VAT1L: variants seen among roughly 807,000 people sequenced by gnomAD.
The protein encoded by VAT1L is putative NADPH-dependent quinone oxidoreductase VAT1L.
VAT1L carries 34 observed loss-of-function variants against 44.1 expected under a neutral mutation model. The observed-to-expected ratio is 0.77, with a 90% CI of 0.59 to 1.03. VAT1L has a LOEUF of 1.03. Among genes scored for constraint, VAT1L ranks in the 50% least tolerant of loss-of-function variants. The pLI is 0.00. For missense variants in VAT1L, 615 were observed against 538.8 expected (o/e 1.14, Z -1.40); for synonymous variants, 253 against 202.2 (o/e 1.25, Z -2.13).
intron 1 of VAT1L, among the ~76,000 whole-genome samples, chr16:77,794,441 A>G (rs545456804): frequency 1.3e-5 from 2 of 152,316 alleles, no homozygotes; most frequent in African/African-American, 4.8e-5. Context: ...CACAATCACA[A>G]TCACCACTCC....
intron 8 of VAT1L, among the ~76,000 whole-genome samples, chr16:77,974,826 C>T (rs1021464723): frequency 1.2e-4 from 18 of 152,056 alleles, no homozygotes; most frequent in African/African-American, 4.3e-4. Flanking sequence ...GCCTTGGCCT[C>T]CCAAAGAGCT....
Position 77,825,317 on chromosome 16 carries a change from T to G in VAT1L, c.435T>G (p.Phe145Leu). Residue 145 changes from phenylalanine (F) to leucine (L), a missense_variant, in exon 3 of 9, where the codon TTT becomes TTG. Phe to Leu is a conservative substitution (Grantham distance 22, BLOSUM62 0). Transcript: ENST00000302536. ...WAEVVCTPVE[F>L]VYKIPDDMSF... is the part of the protein sequence containing the mutation. ...AGGTGGTCTGCACACCAGTGGAGTT[T>G]GTCTACAAGATCCCGGATGACATGA... The G allele has an allele frequency of 2.5e-6, 4 of 1,614,212 alleles. No individual in the cohort carries two copies. Among genetic ancestry groups the G allele is most frequent in the Non-Finnish European group, 3.4e-6 (4 of 1,180,040 alleles).
At chr16:77,803,368 C>T (rs1038046765) in intron 1 of VAT1L, among the ~76,000 whole-genome samples, 6 of 150,522 alleles carry the variant, frequency 4.0e-5, no homozygotes, top group Non-Finnish European at 5.9e-5. Flanking sequence ...CTATTCAAGT[C>T]TTCACCTCCT....
intron 5 of VAT1L, among the ~76,000 whole-genome samples, 159 bp downstream of exon 5, chr16:77,876,632 T>C (rs1294659134): frequency 6.6e-6 from 1 of 152,192 alleles, no homozygotes; most frequent in East Asian, 1.9e-4. Context: ...TTACTGTGAG[T>C]TATTTTCAAT....
At chr16:77,964,141 C>T (rs2018194991) in intron 7 of VAT1L, among the ~76,000 whole-genome samples, 1 of 152,134 alleles carries the variant, frequency 6.6e-6, no homozygotes, top group South Asian at 2.1e-4. Flanking sequence ...CCCCCTCTCC[C>T]TGAATCCCTA....
intron 7 of VAT1L, among the ~76,000 whole-genome samples, chr16:77,924,275 T>C (rs1377602210): frequency 6.6e-6 from 1 of 152,130 alleles, no homozygotes. Flanking sequence ...GCAGGATCTC[T>C]TTTTCATGCA....
At chr16:77,906,946 G>C (rs1434631562) in intron 7 of VAT1L, among the ~76,000 whole-genome samples, 1 of 152,186 alleles carries the variant, frequency 6.6e-6, no homozygotes, top group Non-Finnish European at 1.5e-5. Flanking sequence ...GTTCAATACA[G>C]TGGATTCAAT....
chr16:77,845,183 G>T (rs1335734623), intron 3 of VAT1L, among the ~76,000 whole-genome samples: 2 of 151,140 alleles, frequency 1.3e-5, no homozygotes, highest in Admixed American at 1.3e-4. Flanking sequence ...TGAGGTCGGC[G>T]CTGACAGTCC....
At chr16:77,842,924 T>C (rs947384393) in intron 3 of VAT1L, among the ~76,000 whole-genome samples, 2 of 152,240 alleles carry the variant, frequency 1.3e-5, no homozygotes, top group African/African-American at 4.8e-5. Flanking sequence ...AGCATGCTGC[T>C]CAGTGCCTTG....
chr16:77,814,618 A>G (rs1376286248), intron 1 of VAT1L, among the ~76,000 whole-genome samples: 2 of 152,214 alleles, frequency 1.3e-5, no homozygotes, highest in Admixed American at 6.5e-5. Flanking sequence ...TTTTTCCAAC[A>G]GGGCCTTGGG....
chr16:77,952,974 G>A (rs2018061856), intron 7 of VAT1L, among the ~76,000 whole-genome samples: 1 of 150,846 alleles, frequency 6.6e-6, no homozygotes, highest in Non-Finnish European at 1.5e-5. Context: ...GGTTGTTGCA[G>A]ATATATTGCA....
chr16:77,855,879 A>T (rs567213102), intron 3 of VAT1L, among the ~76,000 whole-genome samples: 7 of 152,162 alleles, frequency 4.6e-5, no homozygotes, highest in Admixed American at 6.5e-5. Flanking sequence ...TTAGCCGGGC[A>T]TGGTGGCGGG....
intron 3 of VAT1L, among the ~76,000 whole-genome samples, chr16:77,855,881 G>A (rs554394484): frequency 2.0e-5 from 3 of 152,174 alleles, no homozygotes; most frequent in Non-Finnish European, 4.4e-5. Context: ...AGCCGGGCAT[G>A]GTGGCGGGCA....
chr16:77,958,218 T>C (rs987205363), intron 7 of VAT1L, among the ~76,000 whole-genome samples: 3 of 152,114 alleles, frequency 2.0e-5, no homozygotes, highest in African/African-American at 7.2e-5. Context: ...TCTTGGGTTA[T>C]TTATATGTCC....
chr16:77,945,859 G>C (rs1352386152), intron 7 of VAT1L, among the ~76,000 whole-genome samples: 1 of 149,894 alleles, frequency 6.7e-6, no homozygotes, highest in African/African-American at 2.5e-5. Context: ...CTGGAGTGCA[G>C]TGGCACGATC....
At chr16:77,969,799 A>G (rs979797139) in intron 7 of VAT1L, among the ~76,000 whole-genome samples, 5 of 152,116 alleles carry the variant, frequency 3.3e-5, no homozygotes, top group Non-Finnish European at 7.4e-5. Flanking sequence ...CCCGGTGGGC[A>G]GTAGCTATAA....
chr16:77,962,778 A>T (rs2018177470), intron 7 of VAT1L, among the ~76,000 whole-genome samples: 1 of 151,438 alleles, frequency 6.6e-6, no homozygotes, highest in African/African-American at 2.4e-5. Context: ...GAAGGAAGGA[A>T]AGAAAGAGAA....
Position 77,884,670 on chromosome 16 carries a change from G to C in VAT1L, c.945G>C (p.Gly315=), listed in dbSNP as rs757394174. 2.5e-6 allele frequency: 4 copies of C among 1,613,332 alleles called. No homozygotes were observed. The Admixed American group carries it at 6.7e-5, about 27-fold the overall frequency. The change falls in exon 7 of 9, where the codon GGG becomes GGC. Residue 315 remains glycine (G), a synonymous_variant. Transcript: ENST00000302536. The surrounding 1 kb of genome is among the most constrained non-coding windows in gnomAD (Gnocchi z 4.5). The part of the protein sequence containing the change: ...KLYEENKVIA[G]FSLLNLLFKQ... Reference sequence around the variant, plus strand: ...ATGAGGAGAACAAAGTCATCGCGGGGTTTTCCCTTTTAAATCTGCTCTTCA... The same window carrying C: ...ATGAGGAGAACAAAGTCATCGCGGGCTTTTCCCTTTTAAATCTGCTCTTCA...
chr16:77,975,858 G>T (rs575330885), intron 8 of VAT1L, among the ~76,000 whole-genome samples: 21 of 152,334 alleles, frequency 1.4e-4, no homozygotes, highest in African/African-American at 5.1e-4. Context: ...GTGCCCCAGA[G>T]AATAGAGGTG....
Sources: allele counts gnomAD v4.1 joint callset (sites outside exome capture counted in the v4.1 genomes callset), GRCh38; gene constraint gnomAD v4.1.1; non-coding constraint Gnocchi (gnomAD v3.1); transcripts MANE v1.5; gene names NCBI Gene and HGNC (gene_info 2026-07-23, HGNC 2026-07-21).